The following PTCHD4 variants were observed in gnomAD, a reference collection of about 807,000 sequenced individuals.
The protein encoded by PTCHD4 is patched domain-containing protein 4.
In PTCHD4, 33 loss-of-function variants were observed where a neutral mutation model predicts 58.1. That is an observed-to-expected ratio of 0.57 (90% confidence interval 0.43 to 0.76). The LOEUF (loss-of-function observed/expected upper bound fraction) is 0.76, where lower values mean the gene tolerates loss of function less well. Ranked by LOEUF, PTCHD4 falls within the 30% of genes least tolerant of loss-of-function variation. The pLI, the probability that PTCHD4 is intolerant of heterozygous loss-of-function variation, is 0.00. For synonymous variants in PTCHD4, 478 were observed against 409.6 expected (o/e 1.17, Z -2.02); for missense variants, 1,058 against 1,027.1 (o/e 1.03, Z -0.41).
intron 1 of PTCHD4, among the ~76,000 whole-genome samples, chr6:48,101,460 C>T (rs1765600683): frequency 6.6e-6 from 1 of 152,124 alleles, no homozygotes; most frequent in African/African-American, 2.4e-5. Flanking sequence ...AACACTTCCT[C>T]TCAGAAATCA....
Position 47,987,326 on chromosome 6 carries a change from G to A in PTCHD4, c.898+21308C>T, listed in dbSNP as rs532327480. ...AATGCTAAATGATGAGTTAATGGGT[G>A]CAGCACACCAACATGGCACATGTAT... is the stretch of plus-strand genomic sequence containing the variant. On this transcript the variant is annotated intron_variant, in intron 4 of 4. Coordinates refer to ENST00000339488, the MANE Select transcript of PTCHD4 (RefSeq NM_001384253.1). Among the ~76,000 whole-genome samples, 680 of 150,982 alleles carry A rather than the reference G, an allele frequency of 4.5e-3. 4 individuals carry two copies. The highest frequency in any genetic ancestry group is 0.015 in the African/African-American group (616 of 40,982).
intron 4 of PTCHD4, among the ~76,000 whole-genome samples, chr6:47,954,681 G>T (rs910255327): frequency 3.3e-5 from 5 of 152,108 alleles, no homozygotes; most frequent in Non-Finnish European, 5.9e-5. Context: ...TAAAACTGTT[G>T]TAGTATTAGT....
intron 4 of PTCHD4, among the ~76,000 whole-genome samples, chr6:48,002,199 G>A (rs1483793326): frequency 6.6e-6 from 1 of 152,210 alleles, no homozygotes; most frequent in Non-Finnish European, 1.5e-5. Flanking sequence ...GGAAGTCGGT[G>A]TGGCGATTCC....
At chr6:48,061,901 T>C (rs1764639611) in intron 3 of PTCHD4, among the ~76,000 whole-genome samples, 1 of 152,106 alleles carries the variant, frequency 6.6e-6, no homozygotes, top group Non-Finnish European at 1.5e-5. Context: ...TTTAACTAAG[T>C]TAGGGAAGAA....
chr6:47,990,860 T>G (rs1768257453), intron 4 of PTCHD4, among the ~76,000 whole-genome samples: 1 of 152,170 alleles, frequency 6.6e-6, no homozygotes, highest in South Asian at 2.1e-4. Flanking sequence ...TTAATGAATA[T>G]TTTAAAATTT....
At chr6:48,046,896 A>G (rs901151167) in intron 3 of PTCHD4, among the ~76,000 whole-genome samples, 1 of 151,856 alleles carries the variant, frequency 6.6e-6, no homozygotes, top group Non-Finnish European at 1.5e-5. Context: ...AGATCAGGTT[A>G]TATTCCTAAC....
intron 1 of PTCHD4, among the ~76,000 whole-genome samples, chr6:48,105,438 A>C (rs1473380767): frequency 6.6e-6 from 1 of 152,242 alleles, no homozygotes; most frequent in Non-Finnish European, 1.5e-5. Flanking sequence ...TCTCTGGGAC[A>C]CTTTAAAAAC....
rs1321829546 is a variant in PTCHD4, at chr6:47,861,015, C to A, written c.*17288G>T. 1.3e-5 allele frequency among the ~76,000 whole-genome samples: 2 copies of A among 152,026 alleles called. No homozygotes were observed. Among genetic ancestry groups the A allele is most frequent in the East Asian group, 3.9e-4 (2 of 5,132 alleles). On this transcript the variant is annotated 3_prime_UTR_variant, in exon 5 of 5. Coordinates refer to ENST00000339488, the MANE Select transcript of PTCHD4 (RefSeq NM_001384253.1). Reference sequence around the variant, plus strand: ...GAAGATAGAAAGTGCCCCTGGATGCCTCTCTAATCATTATTTTAGTGGAAC... The same window carrying A: ...GAAGATAGAAAGTGCCCCTGGATGCATCTCTAATCATTATTTTAGTGGAAC...
chr6:47,916,304 G>A (rs1765241753), intron 4 of PTCHD4, among the ~76,000 whole-genome samples: 1 of 152,070 alleles, frequency 6.6e-6, no homozygotes, highest in East Asian at 1.9e-4. Flanking sequence ...TGCCTAGGTG[G>A]AAACTGGCCA....
intron 4 of PTCHD4, among the ~76,000 whole-genome samples, chr6:47,883,002 C>G (rs12198322): frequency 6.6e-6 from 1 of 150,960 alleles, no homozygotes; most frequent in Non-Finnish European, 1.5e-5. Flanking sequence ...ATTCTTGATT[C>G]TAGATGGGTC....
chr6:47,883,150 T>C (rs1323533886), intron 4 of PTCHD4, among the ~76,000 whole-genome samples: 1 of 152,116 alleles, frequency 6.6e-6, no homozygotes, highest in Non-Finnish European at 1.5e-5. Context: ...GAGTTTGTTA[T>C]ATAATAACTT....
At chr6:47,981,048 C>T (rs1237953827) in intron 4 of PTCHD4, among the ~76,000 whole-genome samples, 3 of 151,996 alleles carry the variant, frequency 2.0e-5, no homozygotes, top group Non-Finnish European at 4.4e-5. Flanking sequence ...GCTGTATTCC[C>T]GTAGTAGTTA....
At chr6:47,992,895 A>C (rs1768333243) in intron 4 of PTCHD4, among the ~76,000 whole-genome samples, 1 of 152,218 alleles carries the variant, frequency 6.6e-6, no homozygotes, top group Non-Finnish European at 1.5e-5. Flanking sequence ...ATGAAAAATG[A>C]ATAGCATTGT....
intron 3 of PTCHD4, among the ~76,000 whole-genome samples, chr6:48,051,689 C>T (rs980301380): frequency 1.7e-4 from 26 of 152,080 alleles, no homozygotes; most frequent in African/African-American, 5.5e-4. Context: ...TTCAGAGTAA[C>T]TGATCATAGC....
chr6:47,928,252 T>C (rs965797784), intron 4 of PTCHD4, among the ~76,000 whole-genome samples: 1 of 152,202 alleles, frequency 6.6e-6, no homozygotes, highest in Non-Finnish European at 1.5e-5. Context: ...GCATCCCTTA[T>C]CTAAGATGAG....
chr6:48,019,052 A>C (rs1762964466), intron 3 of PTCHD4, among the ~76,000 whole-genome samples: 1 of 152,208 alleles, frequency 6.6e-6, no homozygotes, highest in Non-Finnish European at 1.5e-5. Flanking sequence ...TCACACTGAC[A>C]AATTGGGGAG....
At chr6:47,892,989 ATTGG>A (rs1219349577) in intron 4 of PTCHD4, among the ~76,000 whole-genome samples, 2 of 152,146 alleles carry the variant, frequency 1.3e-5, no homozygotes, top group African/African-American at 4.8e-5. Context: ...TTCAACTCTG[ATTGG>A]TTGATTAACT....
At chr6:47,931,957 T>C (rs763632456) in intron 4 of PTCHD4, among the ~76,000 whole-genome samples, 4 of 152,170 alleles carry the variant, frequency 2.6e-5, no homozygotes, top group Non-Finnish European at 5.9e-5. Context: ...GGCTTCCTTC[T>C]CTGGGACACA....
At chr6:48,012,786 G>T (rs1000264646) in intron 3 of PTCHD4, among the ~76,000 whole-genome samples, 1 of 152,082 alleles carries the variant, frequency 6.6e-6, no homozygotes, top group Non-Finnish European at 1.5e-5. Context: ...GCATGAAGGG[G>T]TGTTTAATTT....
Sources: allele counts gnomAD v4.1 joint callset (sites outside exome capture counted in the v4.1 genomes callset), GRCh38; gene constraint gnomAD v4.1.1; transcripts MANE v1.5; gene names NCBI Gene and HGNC (gene_info 2026-07-23, HGNC 2026-07-21).